The following DTWD2 variants were observed in gnomAD, a reference collection of about 807,000 sequenced individuals.
DTWD2 encodes DTW motif tRNA-uridine aminocarboxypropyltransferase 2, also known as tRNA-uridine aminocarboxypropyltransferase 2.
In DTWD2, 39 loss-of-function variants were observed where a neutral mutation model predicts 31.8. That is an observed-to-expected ratio of 1.22 (90% CI 0.95 to 1.60). DTWD2 has a LOEUF of 1.60. DTWD2 is among the 40% of genes most tolerant of loss of function. The pLI, the probability that DTWD2 is intolerant of heterozygous loss-of-function variation, is 0.00. For synonymous variants in DTWD2, 180 were observed against 142.8 expected (o/e 1.26, Z -1.86); for missense variants, 515 against 381.5 (o/e 1.35, Z -2.92).
intron 4 of DTWD2, among the ~76,000 whole-genome samples, chr5:118,908,701 A>T (rs1388132309): frequency 6.6e-6 from 1 of 152,084 alleles, no homozygotes. Context: ...ATCAAAATGA[A>T]CAAAAGTAAT....
In DTWD2 at chr5:118,848,218, C is replaced by A. The variant is rs77658895; in HGVS notation, c.598G>T (p.Val200Leu). 1.3e-6 allele frequency: 2 copies of A among 1,577,176 alleles called. No individual in the cohort carries two copies. The highest frequency in any genetic ancestry group is 1.7e-6 in the Non-Finnish European group (2 of 1,168,404). The change falls in exon 5 of 6, where the codon GTG becomes TTG. Residue 200 changes from valine to leucine, a missense_variant and splice_region_variant. Transcript: ENST00000510708. ...KNSLFRHPKQ[V>L]QLKTSISSQY... is the part of the protein sequence containing the mutation. Reference sequence around the variant, plus strand: ...CTAGAAATGCTAGTTTTTAATTGCACCTGAAATCAAAAACAAAATAGAACA... The same window carrying A: ...CTAGAAATGCTAGTTTTTAATTGCAACTGAAATCAAAAACAAAATAGAACA...
At chr5:118,961,717 A>G (rs1388775417) in intron 1 of DTWD2, among the ~76,000 whole-genome samples, 1 of 152,170 alleles carries the variant, frequency 6.6e-6, no homozygotes, top group Non-Finnish European at 1.5e-5. Flanking sequence ...TCCTTTTCTT[A>G]TCTAAAAACT....
At chr5:118,905,001 A>G (rs1753295796) in intron 4 of DTWD2, among the ~76,000 whole-genome samples, 1 of 152,092 alleles carries the variant, frequency 6.6e-6, no homozygotes, top group African/African-American at 2.4e-5. Flanking sequence ...CTAACCAAGA[A>G]ACTTCCAAAG....
intron 1 of DTWD2, among the ~76,000 whole-genome samples, chr5:118,967,930 AC>A (rs1337619690): frequency 1.3e-5 from 2 of 152,224 alleles, no homozygotes; most frequent in Non-Finnish European, 2.9e-5. Context: ...TACAAAGGGA[AC>A]AGGAGTAACT....
At chr5:118,974,807 A>C (rs1256535472) in intron 1 of DTWD2, 1 of 388,948 alleles carries the variant, frequency 2.6e-6, no homozygotes, top group African/African-American at 2.1e-5. Context: ...GAGTTGTTCT[A>C]ACAAAAAAAA....
At chr5:118,956,265 C>T (rs1053634915) in intron 1 of DTWD2, among the ~76,000 whole-genome samples, 9 of 152,134 alleles carry the variant, frequency 5.9e-5, no homozygotes, top group East Asian at 1.9e-4. Flanking sequence ...TTCCGCTCAT[C>T]GGGGTTTATC....
intron 4 of DTWD2, among the ~76,000 whole-genome samples, chr5:118,885,177 G>C (rs1752833552): frequency 6.6e-6 from 1 of 151,328 alleles, no homozygotes; most frequent in African/African-American, 2.4e-5. Flanking sequence ...AAATTGGCCG[G>C]GTGCAGTGTC....
rs141184652 is a variant in DTWD2 at position 118,852,949 on chromosome 5, G to C, written c.598-4731C>G. On this transcript the variant is annotated intron_variant, in intron 4 of 5. Coordinates refer to ENST00000510708, the MANE Select transcript of DTWD2 (RefSeq NM_173666.4). The stretch of plus-strand genomic sequence containing the variant: ...GCAGCTGGACGCCATTATCCTATGT[G>C]AATTAATGCAGGAACAGAAAACCAA... Among the ~76,000 whole-genome samples, 840 of 152,188 alleles carry C rather than the reference G, an allele frequency of 5.5e-3. 6 individuals carry two copies. Among genetic ancestry groups the C allele is most frequent in the Middle Eastern group, 0.017 (5 of 294 alleles).
At chr5:118,926,169 G>C (rs1753804185) in intron 4 of DTWD2, among the ~76,000 whole-genome samples, 1 of 152,148 alleles carries the variant, frequency 6.6e-6, no homozygotes, top group South Asian at 2.1e-4. Flanking sequence ...CAACCAATGA[G>C]TGGACAAAGA....
intron 4 of DTWD2, among the ~76,000 whole-genome samples, chr5:118,881,231 T>C (rs1302058372): frequency 6.6e-6 from 1 of 152,188 alleles, no homozygotes; most frequent in African/African-American, 2.4e-5. Flanking sequence ...TTAAGTCACA[T>C]GAATTTCACA....
At chr5:118,968,197 GAAA>G (rs759930368) in intron 1 of DTWD2, among the ~76,000 whole-genome samples, 1 of 126,120 alleles carries the variant, frequency 7.9e-6, no homozygotes, top group Non-Finnish European at 1.7e-5. Context: ...ACAAAATCGT[GAAA>G]AAAAAAAAAA....
intron 1 of DTWD2, among the ~76,000 whole-genome samples, chr5:118,956,830 A>G (rs981759174): frequency 6.6e-6 from 1 of 152,204 alleles, no homozygotes; most frequent in Non-Finnish European, 1.5e-5. Context: ...TTTCATAGCT[A>G]TTCATTCAAC....
At chr5:118,896,331 G>A (rs1194876862) in intron 4 of DTWD2, among the ~76,000 whole-genome samples, 1 of 152,016 alleles carries the variant, frequency 6.6e-6, no homozygotes, top group Non-Finnish European at 1.5e-5. Context: ...TAGTTCTTCT[G>A]GAGAATAAAA....
At chr5:118,973,651 GCTCGCGGCAGCCTCCTTGC>G (rs1016284797) in intron 1 of DTWD2, 2 of 789,226 alleles carry the variant, frequency 2.5e-6, no homozygotes, top group African/African-American at 3.5e-5. Context: ...CAGCCTCCTT[GCTCGCGGCAGCCTCCTTGC>G]TCGCCGCAGC....
chr5:118,934,979 TG>T (rs1207072235), intron 3 of DTWD2, among the ~76,000 whole-genome samples: 1 of 152,198 alleles, frequency 6.6e-6, no homozygotes, highest in Non-Finnish European at 1.5e-5. Context: ...GTTGTTTTTT[TG>T]TATGCTAATA....
chr5:118,864,581 C>T (rs932262761), intron 4 of DTWD2, among the ~76,000 whole-genome samples: 1 of 148,764 alleles, frequency 6.7e-6, no homozygotes, highest in Non-Finnish European at 1.5e-5. Context: ...AAGTTGGGCT[C>T]CTAACCTCCC....
intron 1 of DTWD2, among the ~76,000 whole-genome samples, chr5:118,945,458 T>G (rs1238295575): frequency 6.6e-6 from 1 of 152,150 alleles, no homozygotes; most frequent in Admixed American, 6.5e-5. Context: ...ATATTTGGTA[T>G]ATGCATTTAT....
chr5:118,896,077 G>A (rs530032229), intron 4 of DTWD2, among the ~76,000 whole-genome samples: 1 of 152,188 alleles, frequency 6.6e-6, no homozygotes, highest in South Asian at 2.1e-4. Flanking sequence ...CATTCACTCA[G>A]GAGTCCTGAA....
At chr5:118,945,952 C>G (rs1328839254) in intron 1 of DTWD2, among the ~76,000 whole-genome samples, 1 of 152,088 alleles carries the variant, frequency 6.6e-6, no homozygotes, top group Non-Finnish European at 1.5e-5. Flanking sequence ...ACAAGCTGAT[C>G]ACTGTTAACT....
Sources: allele counts gnomAD v4.1 joint callset (sites outside exome capture counted in the v4.1 genomes callset), GRCh38; gene constraint gnomAD v4.1.1; transcripts MANE v1.5; gene names NCBI Gene and HGNC (gene_info 2026-07-23, HGNC 2026-07-21).